TTC34: variants seen among roughly 807,000 people sequenced by gnomAD.
TTC34 encodes the protein tetratricopeptide repeat protein 34.
TTC34 carries 44 observed loss-of-function variants against 40.7 expected under a neutral mutation model. That is an observed-to-expected ratio of 1.08 (90% CI 0.85 to 1.39). The LOEUF (loss-of-function observed/expected upper bound fraction) is 1.39. Among genes scored for constraint, TTC34 ranks in the 40% most tolerant of loss-of-function variants. The pLI, the probability that TTC34 is intolerant of heterozygous loss-of-function variation, is 0.00. For missense variants in TTC34, 884 were observed against 838.0 expected, an observed-to-expected ratio of 1.05 and a Z score of -0.68; for synonymous variants, 422 against 398.6, an observed-to-expected ratio of 1.06 and a Z score of -0.70.
chr1:2,683,832 A>G (rs1640194487), intron 6 of TTC34, among the ~76,000 whole-genome samples: 1 of 149,924 alleles, frequency 6.7e-6, no homozygotes, highest in Non-Finnish European at 1.5e-5. Context: ...CAGCACCCAC[A>G]CCCCCAGGTG....
chr1:2,768,316 G>T lies in TTC34; in HGVS notation c.2226+15293C>A, dbSNP rs1312926091. ...GGTTTTTGGATGTTCGCATGGGGGT[G>T]AAGGGTGGTGTTCCGGGTTATCAGA... On this transcript the variant is annotated intron_variant, in intron 6 of 8. Coordinates refer to ENST00000401095, the Ensembl canonical transcript of TTC34. 2.2e-4 allele frequency among the ~76,000 whole-genome samples: 34 copies of T among 152,260 alleles called. 1 individual carries two copies. Among genetic ancestry groups the T allele is most frequent in the Admixed American group, 3.9e-4 (6 of 15,298 alleles).
exon 9 of TTC34, chr1:2,638,199 A>C (rs1638827832): frequency 6.6e-6 from 1 of 152,102 alleles, no homozygotes; most frequent in African/African-American, 2.4e-5. Flanking sequence ...TCAAGTACAA[A>C]GCCTGACTCA....
chr1:2,751,686 A>C (rs1641325530), intron 6 of TTC34, among the ~76,000 whole-genome samples: 2 of 147,540 alleles, frequency 1.4e-5, no homozygotes, highest in African/African-American at 5.1e-5. Context: ...CAGCACCCAC[A>C]ACCCCAAGCG....
chr1:2,688,342 AT>A (rs1640467310), intron 6 of TTC34, among the ~76,000 whole-genome samples: 1 of 135,674 alleles, frequency 7.4e-6, no homozygotes, highest in African/African-American at 3.1e-5. Context: ...CCAGGTGAGC[AT>A]CGGACAGCCT....
intron 6 of TTC34, among the ~76,000 whole-genome samples, chr1:2,692,140 CA>C (rs1640649185): frequency 4.8e-5 from 5 of 105,190 alleles, no homozygotes; most frequent in Admixed American, 3.0e-4. Context: ...GGTCGGCACC[CA>C]CAACCCCAGG....
At chr1:2,788,375 G>A (rs969447012) in intron 3 of TTC34, among the ~76,000 whole-genome samples, 4 of 151,916 alleles carry the variant, frequency 2.6e-5, no homozygotes, top group Admixed American at 2.6e-4. Context: ...TATGTGTGGT[G>A]TGTATGGTGT....
At chr1:2,688,057 G>A (rs1295741249) in intron 6 of TTC34, among the ~76,000 whole-genome samples, 4 of 151,868 alleles carry the variant, frequency 2.6e-5, no homozygotes, top group African/African-American at 9.7e-5. Flanking sequence ...CCCCAGGTAA[G>A]CATCTGACAG....
exon 9 of TTC34, chr1:2,641,279 T>G: frequency 7.2e-7 from 1 of 1,392,766 alleles, no homozygotes; most frequent in South Asian, 1.5e-5. Context: ...CTCCCCGATT[T>G]AGGGAGCTGG....
chr1:2,787,369 T>G, intron 4 of TTC34, 112 bp downstream of exon 4: 1 of 1,000,406 alleles, frequency 1.0e-6, no homozygotes, highest in Non-Finnish European at 1.4e-6. Context: ...TGCAGTCGCC[T>G]GGTCCAAAGC....
At chr1:2,647,119 G>T (rs1447310436) in intron 6 of TTC34, among the ~76,000 whole-genome samples, 1 of 151,128 alleles carries the variant, frequency 6.6e-6, no homozygotes, top group East Asian at 1.9e-4. Flanking sequence ...ACCAAGATGT[G>T]CCTTCTTAGG....
At chr1:2,751,662 T>G (rs1252279417) in intron 6 of TTC34, among the ~76,000 whole-genome samples, 14 of 34,602 alleles carry the variant, frequency 4.0e-4, no homozygotes, top group Admixed American at 9.2e-4. Context: ...AGTTGAGCAT[T>G]GGACAGCCTG....
In TTC34 at chr1:2,645,584, C is replaced by A; in HGVS notation, c.2227-21G>T. 2.4e-5 allele frequency: 1 copy of A among 41,932 alleles called. No homozygotes were observed. The highest frequency in any genetic ancestry group is 3.8e-5 in the Non-Finnish European group (1 of 26,096). The allele number at this position is 41,932 out of a possible 1,614,324, so 2.6% of individuals were successfully genotyped here. On this transcript the variant is annotated intron_variant, in intron 6 of 8. Transcript: ENST00000401095. The surrounding 1 kb of genome is among the most constrained non-coding windows in gnomAD (Gnocchi z 4.7). ...GCTTCCTGCAAGGAGGGAGGGCGGG[C>A]GGGTGCAGAGTTGTCCTAAGTAGAG... is the stretch of plus-strand genomic sequence containing the variant.
chr1:2,657,374 C>G (rs550896119), intron 6 of TTC34, among the ~76,000 whole-genome samples: 2 of 95,422 alleles, frequency 2.1e-5, no homozygotes, highest in African/African-American at 6.3e-5. Flanking sequence ...TGGAGCAGCA[C>G]CCACACCCCG....
At chr1:2,798,713 C>T (rs1643738134) in intron 2 of TTC34, among the ~76,000 whole-genome samples, 1 of 134,978 alleles carries the variant, frequency 7.4e-6, no homozygotes, top group Non-Finnish European at 1.6e-5. Flanking sequence ...GTCCCAGCCT[C>T]TCAGCCTCTC....
chr1:2,781,802 G>A (rs1213606244), intron 6 of TTC34, among the ~76,000 whole-genome samples: 1 of 152,068 alleles, frequency 6.6e-6, no homozygotes, highest in Non-Finnish European at 1.5e-5. Context: ...TTCTGTTAAT[G>A]TGGTACATCA....
At chr1:2,698,410 C>G (rs536335909) in intron 6 of TTC34, among the ~76,000 whole-genome samples, 1 of 58,844 alleles carries the variant, frequency 1.7e-5, no homozygotes, top group Non-Finnish European at 4.0e-5. Context: ...CCCACACACC[C>G]AGGTGAGTAT....
At chr1:2,791,745 G>A (rs1227766040) in intron 2 of TTC34, among the ~76,000 whole-genome samples, 1 of 152,122 alleles carries the variant, frequency 6.6e-6, no homozygotes, top group African/African-American at 2.4e-5. Flanking sequence ...GCAGCCAGGG[G>A]AGAACCCTTG....
At chr1:2,750,762 CAT>C (rs1641293418) in intron 6 of TTC34, among the ~76,000 whole-genome samples, 1 of 71,324 alleles carries the variant, frequency 1.4e-5, no homozygotes. Context: ...GAGCAGCACG[CAT>C]AAACACAGGT....
Position 2,645,964 on chromosome 1 carries a change from C to G in TTC34, c.2227-401G>C, listed in dbSNP as rs182658256. On this transcript the variant is annotated intron_variant, in intron 6 of 8. Transcript: ENST00000401095. This position sits in a 1 kb window ranked among gnomAD's most constrained non-coding sequence, Gnocchi z 4.7. ...CTCCCCACAGGGGCATCTGTCACCT[C>G]ACAGTGGGGGACGCTGGAGCTCCTT... Among the ~76,000 whole-genome samples, 1 of 152,282 alleles carries G rather than the reference C, an allele frequency of 6.6e-6. No homozygotes were observed. The highest frequency in any genetic ancestry group is 1.9e-4 in the East Asian group (1 of 5,178).
Sources: gnomAD v4.1 joint callset for allele counts (sites outside exome capture counted in the v4.1 genomes callset) on GRCh38, gnomAD v4.1.1 for gene constraint, Gnocchi (gnomAD v3.1) non-coding constraint, MANE v1.5 for transcripts, NCBI Gene and HGNC (gene_info 2026-07-23, HGNC 2026-07-21) for gene names.